TAS2R1: variants seen among roughly 807,000 people sequenced by gnomAD.
TAS2R1 encodes taste receptor type 2 member 1.
For synonymous variants in TAS2R1, 141 were observed against 134.2 expected, an observed-to-expected ratio of 1.05 and a Z score of -0.35; for missense variants, 370 against 353.4, an observed-to-expected ratio of 1.05 and a Z score of -0.38.
chr5:9,770,228 G>T, the TAS2R1 span, among the ~76,000 whole-genome samples: 1 of 152,054 alleles, frequency 6.6e-6, no homozygotes, highest in Non-Finnish European at 1.5e-5. Flanking sequence ...GTAAATGTAT[G>T]GGTTTGTTTC....
At chr5:9,689,289 A>G (rs1458429704) in intron 1 of TAS2R1, among the ~76,000 whole-genome samples, 1 of 151,930 alleles carries the variant, frequency 6.6e-6, no homozygotes, top group Non-Finnish European at 1.5e-5. Context: ...TATCCAGTGG[A>G]CTCCCAAAAC....
chr5:9,742,844 G>A, the TAS2R1 span, among the ~76,000 whole-genome samples: 7,408 of 152,006 alleles, frequency 0.049, 540 homozygotes, highest in East Asian at 0.2. Context: ...TAATGGAAGG[G>A]GAGGAAGAAA....
chr5:9,887,850 T>C, the TAS2R1 span, among the ~76,000 whole-genome samples: 1 of 152,124 alleles, frequency 6.6e-6, no homozygotes, highest in African/African-American at 2.4e-5. Context: ...TCAATTTGCC[T>C]GACAAGAAAA....
chr5:9,683,078 T>C (rs1741057633), intron 1 of TAS2R1, among the ~76,000 whole-genome samples: 2 of 152,198 alleles, frequency 1.3e-5, no homozygotes, highest in African/African-American at 4.8e-5. Flanking sequence ...TTATTTAAAG[T>C]ATTATTTATT....
At chr5:9,799,436 C>G in the TAS2R1 span, among the ~76,000 whole-genome samples, 3,331 of 152,250 alleles carry the variant, frequency 0.022, 43 homozygotes, top group Non-Finnish European at 0.033. Context: ...ACTGAGGGAT[C>G]CTGAGGCAGA....
At chr5:9,754,384 C>T in the TAS2R1 span, among the ~76,000 whole-genome samples, 3 of 152,166 alleles carry the variant, frequency 2.0e-5, no homozygotes, top group Non-Finnish European at 4.4e-5. Context: ...TCCTATTCAA[C>T]ATAGTCTTGG....
intron 1 of TAS2R1, among the ~76,000 whole-genome samples, chr5:9,696,728 G>A (rs762029583): frequency 1.3e-5 from 2 of 151,924 alleles, no homozygotes; most frequent in Non-Finnish European, 2.9e-5. Flanking sequence ...AAAGAAATTC[G>A]CAAGGCCGGG....
chr5:9,694,763 T>A (rs58674108), intron 1 of TAS2R1, among the ~76,000 whole-genome samples: 7,037 of 152,304 alleles, frequency 0.046, 300 homozygotes, highest in African/African-American at 0.11. Flanking sequence ...TTCCTCTCAA[T>A]TTCTTTTTAT....
the TAS2R1 span, among the ~76,000 whole-genome samples, chr5:9,762,875 G>A: frequency 6.6e-6 from 1 of 152,104 alleles, no homozygotes; most frequent in Non-Finnish European, 1.5e-5. Flanking sequence ...ATTGGAAACA[G>A]AAAGAATTCT....
chr5:9,849,847 T>C, the TAS2R1 span, among the ~76,000 whole-genome samples: 1 of 152,148 alleles, frequency 6.6e-6, no homozygotes, highest in Non-Finnish European at 1.5e-5. Flanking sequence ...AGCTCCCATC[T>C]TCCTCTATAC....
chr5:9,813,777 T>C, the TAS2R1 span, among the ~76,000 whole-genome samples: 54 of 152,326 alleles, frequency 3.5e-4, no homozygotes, highest in African/African-American at 1.3e-3. Flanking sequence ...TTATACATTC[T>C]ACATCAAATT....
the TAS2R1 span, among the ~76,000 whole-genome samples, chr5:9,743,253 G>A: frequency 2.6e-5 from 4 of 151,954 alleles, no homozygotes; most frequent in Non-Finnish European, 5.9e-5. Flanking sequence ...CCCTCTGGAT[G>A]CTAATGAAAT....
At chr5:9,768,552 C>A in the TAS2R1 span, among the ~76,000 whole-genome samples, 1 of 152,194 alleles carries the variant, frequency 6.6e-6, no homozygotes, top group African/African-American at 2.4e-5. Context: ...GTCTCAGCCA[C>A]TGCATCTTTC....
At chr5:9,749,775 C>A in the TAS2R1 span, among the ~76,000 whole-genome samples, 1 of 152,204 alleles carries the variant, frequency 6.6e-6, no homozygotes, top group Non-Finnish European at 1.5e-5. Context: ...ATTAACACAA[C>A]AAAACTGATT....
chr5:9,785,238 C>T, the TAS2R1 span, among the ~76,000 whole-genome samples: 1 of 152,138 alleles, frequency 6.6e-6, no homozygotes, highest in Admixed American at 6.5e-5. Context: ...CCTACACACA[C>T]CTATGTAGGC....
chr5:9,705,367 T>C (rs1741580220), intron 1 of TAS2R1, among the ~76,000 whole-genome samples: 1 of 152,216 alleles, frequency 6.6e-6, no homozygotes, highest in Admixed American at 6.5e-5. Flanking sequence ...CATGCATGTA[T>C]TGCTTTCCTA....
At chr5:9,862,105 C>T in the TAS2R1 span, among the ~76,000 whole-genome samples, 1 of 152,040 alleles carries the variant, frequency 6.6e-6, no homozygotes, top group African/African-American at 2.4e-5. Flanking sequence ...AGGCTCCCTG[C>T]AATCTGATTA....
the TAS2R1 span, among the ~76,000 whole-genome samples, chr5:9,830,424 T>C: frequency 1.3e-5 from 2 of 151,852 alleles, no homozygotes; most frequent in South Asian, 2.1e-4. Flanking sequence ...CATAGAAAGA[T>C]AGGTAGACAG....
At chr5:9,825,773 G>A in the TAS2R1 span, among the ~76,000 whole-genome samples, 7 of 152,232 alleles carry the variant, frequency 4.6e-5, no homozygotes, top group East Asian at 5.8e-4. Flanking sequence ...TAGCTGTCAC[G>A]CTCAAATTGT....
Sources: gnomAD v4.1 joint callset for allele counts (sites outside exome capture counted in the v4.1 genomes callset) on GRCh38, gnomAD v4.1.1 for gene constraint, MANE v1.5 for transcripts, NCBI Gene and HGNC (gene_info 2026-07-23, HGNC 2026-07-21) for gene names.